Variants in SULF2 observed in about 807,000 individuals in gnomAD.
SULF2 encodes the protein sulfatase 2, also known as extracellular sulfatase Sulf-2.
A neutral mutation model predicts 107.7 loss-of-function variants in SULF2; 52 were observed. The ratio of observed to expected loss-of-function variants is 0.48; its 90% CI spans 0.39 to 0.61. The LOEUF (loss-of-function observed/expected upper bound fraction) is 0.61. Among genes scored for constraint, SULF2 ranks in the 20% least tolerant of loss-of-function variants. SULF2 has a pLI of 0.00. For synonymous variants in SULF2, 460 were observed against 464.3 expected, an observed-to-expected ratio of 0.99 and a Z score of 0.12; for missense variants, 993 against 1,177.3, an observed-to-expected ratio of 0.84 and a Z score of 2.29.
intron 1 of SULF2, among the ~76,000 whole-genome samples, chr20:47,774,862 CAAAT>C (rs1333034179): frequency 2.6e-5 from 4 of 152,136 alleles, no homozygotes; most frequent in African/African-American, 7.2e-5. Context: ...CCCCAACTGT[CAAAT>C]AAAGTGTCAA....
chr20:47,663,297 T>C (rs2146393728), intron 16 of SULF2, 85 bp from the exon 17 acceptor site: 3 of 1,591,976 alleles, frequency 1.9e-6, no homozygotes, highest in Admixed American at 1.7e-5. Context: ...GGACAGCCCC[T>C]AAAACCAGTT....
At chr20:47,732,370 A>G (rs1282477447) in intron 3 of SULF2, among the ~76,000 whole-genome samples, 1 of 152,232 alleles carries the variant, frequency 6.6e-6, no homozygotes, top group Non-Finnish European at 1.5e-5. Context: ...AGCAGCAGAG[A>G]CTGGATTCAA....
intron 3 of SULF2, among the ~76,000 whole-genome samples, chr20:47,722,404 G>T (rs766714143): frequency 6.6e-6 from 1 of 152,072 alleles, no homozygotes; most frequent in Non-Finnish European, 1.5e-5. Flanking sequence ...GGGACCACAG[G>T]TGTGTGCCAC....
rs181136370 is a variant in SULF2 at position 47,735,974 on chromosome 20, G to A, written c.415+729C>T. On this transcript the variant is annotated intron_variant, in intron 3 of 20. Coordinates refer to ENST00000688720, the MANE Select transcript of SULF2 (RefSeq NM_001387048.1). ...AATATCTTGATTTCACAACCGCCGC[G>A]GCTTCTTACCCAAGGCGGGGAGTAT... Among the ~76,000 whole-genome samples, 583 of 152,276 alleles carry A rather than the reference G, an allele frequency of 3.8e-3. 2 individuals are homozygous for A. The highest frequency in any genetic ancestry group is 6.9e-3 in the Non-Finnish European group (469 of 68,018).
chr20:47,670,544 T>C (rs2087428707), intron 11 of SULF2, among the ~76,000 whole-genome samples: 1 of 148,934 alleles, frequency 6.7e-6, no homozygotes, highest in African/African-American at 2.5e-5. Context: ...GAGAACATTA[T>C]GCGAAGAGAA....
At chr20:47,746,994 A>AATAT (rs57147246) in intron 2 of SULF2, among the ~76,000 whole-genome samples, 2,218 of 131,580 alleles carry the variant, frequency 0.017, 35 homozygotes, top group Non-Finnish European at 0.026. Flanking sequence ...AAAAAAAAAA[A>AATAT]ATATATATAT....
chr20:47,783,708 C>T (rs1186139111), intron 1 of SULF2, among the ~76,000 whole-genome samples: 2 of 152,320 alleles, frequency 1.3e-5, no homozygotes, highest in African/African-American at 2.4e-5. Flanking sequence ...AGCAGTGATG[C>T]CAACATCACG....
chr20:47,678,695 T>C lies in SULF2; in HGVS notation c.1174A>G (p.Thr392Ala). The change falls in exon 8 of 21, where the codon ACG (threonine) becomes GCG (alanine). Residue 392 changes from threonine (T) to alanine (A), a missense_variant. By Grantham distance (58) the Thr-to-Ala change is moderately conservative. Around this residue, in one of 3 missense-constraint regions of SULF2, gnomAD observed 108 missense variants for 183.9 expected, o/e 0.59. Transcript: ENST00000688720. The surrounding 1 kb of genome is among the most constrained non-coding windows in gnomAD (Gnocchi z 4.5). Reference protein sequence around the residue: ...DGKSILKLLDTERPVNRFHLK... With the variant: ...DGKSILKLLDAERPVNRFHLK... ...CCTCACCGATTCACCGGCCGCTCCG[T>C]GTCCAGCAGCTTGAGGATGGATTTC... The C allele has an allele frequency of 1.2e-6, 2 of 1,613,932 alleles. No homozygotes were observed. The highest frequency in any genetic ancestry group is 2.2e-5 in the East Asian group (1 of 44,878).
Position 47,663,181 on chromosome 20 carries a change from G to T in SULF2, c.2259C>A (p.Asn753Lys), listed in dbSNP as rs762251455. The T allele has an allele frequency of 5.0e-6, 8 of 1,614,172 alleles. No individual in the cohort carries two copies. The highest frequency in any genetic ancestry group is 6.8e-6 in the Non-Finnish European group (8 of 1,180,032). ...LGPFCACTSANNNTYWCMRTI... is the reference protein window; with the variant it reads ...LGPFCACTSAKNNTYWCMRTI... ...TCCTCATGCACCAGTACGTGTTATT[G>T]TTGGCGCTGGTGCAGGCACAGAAAG... is the stretch of plus-strand genomic sequence containing the variant. Residue 753 changes from asparagine (N) to lysine (K), a missense_variant, in exon 17 of 21, where the codon AAC becomes AAA. By Grantham distance (94) the Asn-to-Lys change is moderately conservative. Around this residue, in one of 3 missense-constraint regions of SULF2, gnomAD observed 497 missense variants for 544.1 expected, o/e 0.91. Transcript: ENST00000688720.
chr20:47,672,470 A>C (rs2087510923), intron 10 of SULF2, 77 bp from the exon 11 acceptor site: 3 of 1,459,648 alleles, frequency 2.1e-6, no homozygotes, highest in African/African-American at 2.9e-5. Flanking sequence ...ACCCCCATCC[A>C]CCCTGGAGAC....
At chr20:47,659,552 A>G (rs1204429812) in intron 19 of SULF2, 100 bp from the exon 20 acceptor site, 2 of 1,417,058 alleles carry the variant, frequency 1.4e-6, no homozygotes, top group Non-Finnish European at 2.0e-6. Flanking sequence ...GGTGACACCT[A>G]TCTTTGGTGG....
intron 3 of SULF2, among the ~76,000 whole-genome samples, chr20:47,712,605 T>C (rs1297212550): frequency 6.6e-6 from 1 of 152,184 alleles, no homozygotes; most frequent in Non-Finnish European, 1.5e-5. Flanking sequence ...CGGTGAGCAG[T>C]GGCCGACAGG....
At chr20:47,663,405 T>C (rs2235734) in intron 16 of SULF2, 48 bp downstream of exon 16, 3 of 1,599,516 alleles carry the variant, frequency 1.9e-6, no homozygotes, top group East Asian at 2.2e-5. Context: ...AGAAGTTTCT[T>C]GAACCCCTGG....
intron 3 of SULF2, among the ~76,000 whole-genome samples, chr20:47,735,823 G>C (rs529900372): frequency 3.9e-5 from 6 of 152,262 alleles, no homozygotes; most frequent in African/African-American, 1.4e-4. Flanking sequence ...CCAGCCTCGA[G>C]GGCTGCAGGT....
chr20:47,659,407 GGAA>G lies in SULF2; in HGVS notation c.2571_2573del (p.Ser858del), dbSNP rs1334558367. 3 of 1,613,924 alleles carry G rather than the reference GGAA, an allele frequency of 1.9e-6. No homozygotes were observed. Among genetic ancestry groups the G allele is most frequent in the Non-Finnish European group, 8.5e-7 (1 of 1,179,948 alleles). Reference sequence around the variant, plus strand: ...CTGGTTCCTCAACTCACAGTGATTTGGAAGAAGGTCTCTTCATTTCTGGCCACT... The same window carrying G: ...CTGGTTCCTCAACTCACAGTGATTTGGAAGGTCTCTTCATTTCTGGCCACT... On this transcript the variant is annotated inframe_deletion, in exon 20 of 21. Transcript: ENST00000688720.
At chr20:47,749,179 G>T (rs555837650) in intron 2 of SULF2, among the ~76,000 whole-genome samples, 2 of 152,182 alleles carry the variant, frequency 1.3e-5, no homozygotes, top group African/African-American at 4.8e-5. Flanking sequence ...GAAGGAGCTT[G>T]GGTCCCTGAT....
intron 4 of SULF2, among the ~76,000 whole-genome samples, chr20:47,695,776 C>A (rs1357191049): frequency 6.6e-6 from 1 of 152,180 alleles, no homozygotes; most frequent in Non-Finnish European, 1.5e-5. Context: ...CCATGTCCAG[C>A]TAATTTTTGT....
At chr20:47,769,347 C>G (rs997055296) in intron 1 of SULF2, among the ~76,000 whole-genome samples, 2 of 149,444 alleles carry the variant, frequency 1.3e-5, no homozygotes, top group African/African-American at 5.0e-5. Context: ...GCCACACCTG[C>G]CTAATTTTTG....
At position 47,684,439 on chromosome 20, in the gene SULF2, T is replaced by C. The variant is rs1430310981; in HGVS notation, c.880A>G (p.Met294Val). 2.5e-6 allele frequency: 4 copies of C among 1,610,814 alleles called. No homozygotes were observed. The highest frequency in any genetic ancestry group is 2.2e-5 in the East Asian group (1 of 44,542). Residue 294 changes from methionine (M) to valine (V), a missense_variant, in exon 6 of 21, where the codon ATG becomes GTG. Met to Val is a conservative substitution (Grantham distance 21). This residue lies in a region of SULF2 where 388 missense variants were observed against 449.2 expected (regional missense o/e 0.86). Coordinates refer to ENST00000688720, the MANE Select transcript of SULF2 (RefSeq NM_001387048.1). Reference protein sequence around the residue: ...LQTLMSVDDSMETIYNMLVET... With the variant: ...LQTLMSVDDSVETIYNMLVET... ...ATGCAGCGGGCGCCTACCGTCTCCA[T>C]GGAGTCGTCCACCGACATGAGGGTC...
Sources: gnomAD v4.1 joint callset for allele counts (sites outside exome capture counted in the v4.1 genomes callset) on GRCh38, gnomAD v4.1.1 for gene constraint, gnomAD v4.1.1 regional missense constraint, Gnocchi (gnomAD v3.1) non-coding constraint, MANE v1.5 for transcripts, NCBI Gene and HGNC (gene_info 2026-07-23, HGNC 2026-07-21) for gene names.